Variants in HMCN1 observed in about 807,000 individuals in gnomAD.
HMCN1 encodes the protein hemicentin-1.
HMCN1 carries 321 observed loss-of-function variants against 625.9 expected under a neutral mutation model. The ratio of observed to expected loss-of-function variants is 0.51; its 90% CI spans 0.47 to 0.56. The LOEUF (loss-of-function observed/expected upper bound fraction) is 0.56, where lower values mean the gene tolerates loss of function less well. HMCN1 is among the 20% of genes least tolerant of loss of function. The probability of loss-of-function intolerance (pLI) is 0.00; values close to 1 mark genes in which losing one functional copy is unlikely to be tolerated. For missense variants in HMCN1, 6,588 were observed against 6,887.3 expected, an observed-to-expected ratio of 0.96 and a Z score of 1.54; for synonymous variants, 2,425 against 2,417.6, an observed-to-expected ratio of 1.00 and a Z score of -0.09.
At position 185,984,149 on chromosome 1, in the gene HMCN1, A is replaced by C. The variant is rs996789971; in HGVS notation, c.2791-20A>C. On this transcript the variant is annotated intron_variant, in intron 18 of 106. Transcript: ENST00000271588. Reference sequence around the variant, plus strand: ...AATCCTTTCTTTTTAAATAAAAATTACCTTTTTTTTTCCTTTAAGTTGCTC... The same window carrying C: ...AATCCTTTCTTTTTAAATAAAAATTCCCTTTTTTTTTCCTTTAAGTTGCTC... The C allele has an allele frequency of 5.0e-6, 8 of 1,602,144 alleles. No individual in the cohort carries two copies. The African/African-American group carries it at 9.4e-5, about 19-fold the overall frequency.
Position 185,803,217 on chromosome 1 carries a change from A to C in HMCN1, c.269-42809A>C, listed in dbSNP as rs748707575. On this transcript the variant is annotated intron_variant, in intron 1 of 106. Transcript: ENST00000271588. ...AAAAAAAAAAAAGCAAAAAAAAAAAAAAAAAACAAAACAAGGAGGAAATTG... is the reference window on the plus strand; with the variant it reads ...AAAAAAAAAAAAGCAAAAAAAAAAACAAAAAACAAAACAAGGAGGAAATTG... 8.1e-4 allele frequency among the ~76,000 whole-genome samples: 109 copies of C among 135,074 alleles called. 1 individual carries two copies. Among genetic ancestry groups the C allele is most frequent in the Non-Finnish European group, 1.2e-3 (83 of 67,332 alleles). The allele number at this position is 135,074 out of a possible 152,430, so 88.6% of individuals were successfully genotyped here. A position where few individuals can be genotyped will look rare whatever the true frequency, so the allele number is the denominator to read the frequency against.
chr1:185,738,323 C>A (rs1653738204), intron 1 of HMCN1, among the ~76,000 whole-genome samples: 1 of 152,166 alleles, frequency 6.6e-6, no homozygotes, highest in African/African-American at 2.4e-5. Context: ...CAATCATCTT[C>A]CCCTCAGTCC....
At chr1:185,888,457 C>G (rs941856634) in intron 4 of HMCN1, among the ~76,000 whole-genome samples, 2 of 142,850 alleles carry the variant, frequency 1.4e-5, no homozygotes, top group African/African-American at 6.0e-5. Context: ...ATGTTTAAGT[C>G]TTTAATCCAT....
At chr1:185,953,220 C>T (rs759369773) in intron 11 of HMCN1, among the ~76,000 whole-genome samples, 2 of 151,360 alleles carry the variant, frequency 1.3e-5, no homozygotes, top group African/African-American at 2.4e-5. Context: ...GGTTGGGATA[C>T]TTGCCATTTC....
chr1:185,948,936 T>A (rs1188870444), intron 11 of HMCN1, among the ~76,000 whole-genome samples: 3 of 149,608 alleles, frequency 2.0e-5, no homozygotes, highest in South Asian at 2.1e-4. Flanking sequence ...TATTGTGGGG[T>A]TGTTAGAAGA....
At chr1:186,179,215 A>T (rs1029067056) in intron 104 of HMCN1, among the ~76,000 whole-genome samples, 1 of 152,130 alleles carries the variant, frequency 6.6e-6, no homozygotes, top group Non-Finnish European at 1.5e-5. Context: ...AACAACCAAC[A>T]TCCCATTGAC....
intron 1 of HMCN1, among the ~76,000 whole-genome samples, chr1:185,843,512 G>A (rs971412790): frequency 1.3e-5 from 2 of 152,134 alleles, no homozygotes; most frequent in Non-Finnish European, 2.9e-5. Flanking sequence ...GGCTTGGCAG[G>A]GGATGAAACC....
At chr1:185,959,789 CT>C (rs1217911680) in intron 11 of HMCN1, among the ~76,000 whole-genome samples, 1 of 151,850 alleles carries the variant, frequency 6.6e-6, no homozygotes, top group Non-Finnish European at 1.5e-5. Flanking sequence ...TTTTTTTCCC[CT>C]AACAGGATGG....
chr1:185,814,912 A>G (rs532951810), intron 1 of HMCN1, among the ~76,000 whole-genome samples: 30 of 149,686 alleles, frequency 2.0e-4, no homozygotes, highest in South Asian at 4.2e-4. Context: ...AGCTGGTCTT[A>G]AACTCCTGAC....
intron 55 of HMCN1, among the ~76,000 whole-genome samples, chr1:186,079,326 T>C (rs538880621): frequency 6.6e-6 from 1 of 152,312 alleles, no homozygotes; most frequent in African/African-American, 2.4e-5. Flanking sequence ...GGTTCCTGCC[T>C]GCCTTAAAGG....
chr1:186,033,064 GCACACACACACACA>G (rs61063202), intron 36 of HMCN1, among the ~76,000 whole-genome samples: 1 of 140,314 alleles, frequency 7.1e-6, no homozygotes. Flanking sequence ...ATACACACAC[GCACACACACACACA>G]CACACACACA....
intron 11 of HMCN1, among the ~76,000 whole-genome samples, chr1:185,934,197 T>C (rs937975929): frequency 8.5e-5 from 13 of 152,208 alleles, no homozygotes; most frequent in African/African-American, 3.1e-4. Flanking sequence ...ATTTAAGTAC[T>C]GTATTTTTGC....
At chr1:186,080,055 G>C (rs1659072515) in intron 55 of HMCN1, among the ~76,000 whole-genome samples, 1 of 152,150 alleles carries the variant, frequency 6.6e-6, no homozygotes, top group African/African-American at 2.4e-5. Flanking sequence ...TCTTGATGTT[G>C]GGTGGTGATA....
intron 4 of HMCN1, among the ~76,000 whole-genome samples, chr1:185,880,641 T>C (rs1301445015): frequency 1.3e-5 from 2 of 152,174 alleles, no homozygotes; most frequent in African/African-American, 4.8e-5. Flanking sequence ...AAAGACCTGC[T>C]TCTGTCTTTA....
At chr1:186,057,054 C>T (rs1173998668) in intron 45 of HMCN1, among the ~76,000 whole-genome samples, 180 bp from the exon 46 acceptor site, 1 of 151,718 alleles carries the variant, frequency 6.6e-6, no homozygotes, top group Non-Finnish European at 1.5e-5. Flanking sequence ...CACACACACA[C>T]ACACACACAC....
intron 40 of HMCN1, among the ~76,000 whole-genome samples, chr1:186,041,841 C>T (rs1656228023): frequency 6.6e-6 from 1 of 152,076 alleles, no homozygotes; most frequent in African/African-American, 2.4e-5. Flanking sequence ...TCTTTTATGA[C>T]CTCTTGAAGA....
intron 36 of HMCN1, among the ~76,000 whole-genome samples, chr1:186,031,218 C>CA: frequency 6.6e-6 from 1 of 152,018 alleles, no homozygotes; most frequent in Admixed American, 6.5e-5. Context: ...GAATTCATTG[C>CA]TTTCCATTTT....
intron 42 of HMCN1, 102 bp from the exon 43 acceptor site, chr1:186,052,850 T>C: frequency 1.0e-6 from 1 of 999,226 alleles, no homozygotes; most frequent in Non-Finnish European, 1.6e-6. Context: ...TGACAATTTC[T>C]TCCTTATGTC....
At chr1:186,171,300 TA>T in intron 100 of HMCN1, 36 bp from the exon 101 acceptor site, 1 of 1,410,352 alleles carries the variant, frequency 7.1e-7, no homozygotes, top group Non-Finnish European at 1.0e-6. Context: ...TCAGGTTTCC[TA>T]ATAGCATATA....
Sources: allele counts gnomAD v4.1 joint callset (sites outside exome capture counted in the v4.1 genomes callset), GRCh38; gene constraint gnomAD v4.1.1; transcripts MANE v1.5; gene names NCBI Gene and HGNC (gene_info 2026-07-23, HGNC 2026-07-21).